EPHB1: variants seen among roughly 807,000 people sequenced by gnomAD.
EPHB1 encodes the protein EPH receptor B1.
EPHB1 carries 30 observed loss-of-function variants against 94.4 expected under a neutral mutation model. The observed-to-expected ratio is 0.32, with a 90% CI of 0.24 to 0.43. The LOEUF is 0.43. EPHB1 is among the 20% of genes least tolerant of loss of function. The pLI is 1.00. For missense variants in EPHB1, 1,055 were observed against 1,308.3 expected (o/e 0.81, Z 2.99); for synonymous variants, 522 against 489.1 (o/e 1.07, Z -0.89).
At chr3:135,229,914 C>T (rs1030673339) in intron 12 of EPHB1, among the ~76,000 whole-genome samples, 1 of 152,122 alleles carries the variant, frequency 6.6e-6, no homozygotes, top group Non-Finnish European at 1.5e-5. Context: ...GTTGGGGAGA[C>T]ACATGCGAAA....
chr3:135,013,115 C>T (rs1935675996), intron 3 of EPHB1, among the ~76,000 whole-genome samples: 1 of 152,110 alleles, frequency 6.6e-6, no homozygotes, highest in African/African-American at 2.4e-5. Flanking sequence ...ACGAATGGGC[C>T]AAACGGGATG....
intron 3 of EPHB1, among the ~76,000 whole-genome samples, chr3:134,989,370 C>T (rs1934709229): frequency 2.6e-5 from 4 of 152,150 alleles, no homozygotes; most frequent in African/African-American, 9.7e-5. Context: ...ATAACTTATA[C>T]AAAACGCTGT....
intron 3 of EPHB1, among the ~76,000 whole-genome samples, chr3:135,076,500 T>A (rs1038188600): frequency 6.6e-6 from 1 of 152,204 alleles, no homozygotes; most frequent in African/African-American, 2.4e-5. Context: ...CTGCTGGGAA[T>A]GTAAAATTGT....
At chr3:135,140,283 T>C (rs1940773183) in intron 5 of EPHB1, among the ~76,000 whole-genome samples, 1 of 152,124 alleles carries the variant, frequency 6.6e-6, no homozygotes, top group African/African-American at 2.4e-5. Context: ...GTGCAGGTGA[T>C]CCATCCTCCA....
At chr3:135,035,219 G>A (rs560762092) in intron 3 of EPHB1, among the ~76,000 whole-genome samples, 2 of 152,158 alleles carry the variant, frequency 1.3e-5, no homozygotes, top group Admixed American at 6.5e-5. Context: ...TCCTTCTCCT[G>A]TCCTGCATCC....
chr3:135,207,584 A>G (rs1198036617), intron 12 of EPHB1, among the ~76,000 whole-genome samples: 1 of 152,228 alleles, frequency 6.6e-6, no homozygotes, highest in Non-Finnish European at 1.5e-5. Flanking sequence ...TTGCGAGAGC[A>G]TGCATAAAAC....
At chr3:135,036,208 G>A (rs888027046) in intron 3 of EPHB1, among the ~76,000 whole-genome samples, 8 of 152,214 alleles carry the variant, frequency 5.3e-5, no homozygotes, top group Admixed American at 2.0e-4. Context: ...CAGCAAGGCC[G>A]TTGAGACGCT....
chr3:134,828,081 G>T lies in EPHB1; in HGVS notation c.58+32392G>T, dbSNP rs6799390. 7.0e-3 allele frequency among the ~76,000 whole-genome samples: 1,069 copies of T among 152,252 alleles called. 18 individuals carry two copies. Among genetic ancestry groups the T allele is most frequent in the African/African-American group, 0.024 (1,000 of 41,546 alleles). ...AAGCCTTCTGAACTGCCTGGTCCAT[G>T]GGTGGCTTCCTTCTGTGCTATGGAC... On this transcript the variant is annotated intron_variant, in intron 1 of 15. Coordinates refer to ENST00000398015, the MANE Select transcript of EPHB1 (RefSeq NM_004441.5).
chr3:134,905,451 T>C (rs1489392637), intron 1 of EPHB1, among the ~76,000 whole-genome samples: 2 of 152,282 alleles, frequency 1.3e-5, no homozygotes, highest in Admixed American at 6.5e-5. Context: ...CATTACTGAC[T>C]GCCCAGCATT....
intron 1 of EPHB1, among the ~76,000 whole-genome samples, chr3:134,908,221 G>C (rs80289964): frequency 2.6e-5 from 4 of 152,198 alleles, no homozygotes; most frequent in Middle Eastern, 3.2e-3. Context: ...GGCCTTCTGC[G>C]TATGCATCTA....
At chr3:134,916,126 G>C (rs1363328482) in intron 1 of EPHB1, among the ~76,000 whole-genome samples, 1 of 151,794 alleles carries the variant, frequency 6.6e-6, no homozygotes, top group Non-Finnish European at 1.5e-5. Flanking sequence ...TAGATACAGA[G>C]TGCTGATTGG....
intron 4 of EPHB1, among the ~76,000 whole-genome samples, chr3:135,125,569 A>G (rs1940163499): frequency 6.6e-6 from 1 of 152,248 alleles, no homozygotes. Flanking sequence ...TGTCATAACC[A>G]CAAATGGTAC....
chr3:135,216,606 C>G (rs13065989), intron 12 of EPHB1, among the ~76,000 whole-genome samples: 35,454 of 151,226 alleles, frequency 0.23, 4,526 homozygotes, highest in Non-Finnish European at 0.29. Context: ...GCCTGTAATC[C>G]CAGCTACTTG....
At chr3:135,032,860 A>T (rs1251036538) in intron 3 of EPHB1, among the ~76,000 whole-genome samples, 1 of 152,160 alleles carries the variant, frequency 6.6e-6, no homozygotes, top group Admixed American at 6.5e-5. Context: ...CCCTCCAGAG[A>T]CATGAAAATT....
Position 134,986,828 on chromosome 3 carries a change from T to G in EPHB1, c.805+34776T>G, listed in dbSNP as rs1361319228. ...GGTCAGCTTAACACCAACAAAAAAT[T>G]TTGTAATTGTAATCTCAGAATTTAA... On this transcript the variant is annotated intron_variant, in intron 3 of 15. Coordinates refer to ENST00000398015, the MANE Select transcript of EPHB1 (RefSeq NM_004441.5). Among the ~76,000 whole-genome samples, 3 of 151,914 alleles carry G rather than the reference T, an allele frequency of 2.0e-5. No individual in the cohort carries two copies. The East Asian group carries it at 5.8e-4, about 29-fold the overall frequency.
chr3:134,899,838 A>G (rs1444159163), intron 1 of EPHB1, among the ~76,000 whole-genome samples: 1 of 152,176 alleles, frequency 6.6e-6, no homozygotes, highest in Non-Finnish European at 1.5e-5. Context: ...CCATGCCTGG[A>G]GGAGCTTCTC....
intron 4 of EPHB1, among the ~76,000 whole-genome samples, chr3:135,113,182 A>G (rs1380095181): frequency 6.6e-6 from 1 of 152,224 alleles, no homozygotes; most frequent in African/African-American, 2.4e-5. Flanking sequence ...CCATGCTGGT[A>G]GATGGTCTAT....
At chr3:135,160,343 A>T (rs549316972) in intron 6 of EPHB1, among the ~76,000 whole-genome samples, 1 of 152,322 alleles carries the variant, frequency 6.6e-6, no homozygotes, top group South Asian at 2.1e-4. Flanking sequence ...TATTCTTTAC[A>T]TATATTTACA....
At chr3:134,974,621 T>C (rs760117326) in intron 3 of EPHB1, among the ~76,000 whole-genome samples, 19 of 150,068 alleles carry the variant, frequency 1.3e-4, no homozygotes, top group Middle Eastern at 3.2e-3. Context: ...TCAACCCTTC[T>C]TCAAGCCTTG....
Sources: allele counts gnomAD v4.1 joint callset (sites outside exome capture counted in the v4.1 genomes callset), GRCh38; gene constraint gnomAD v4.1.1; transcripts MANE v1.5; gene names NCBI Gene and HGNC (gene_info 2026-07-23, HGNC 2026-07-21).